SLC24A2: variants seen among roughly 807,000 people sequenced by gnomAD.
The protein encoded by SLC24A2 is solute carrier family 24 member 2.
SLC24A2 carries 36 observed loss-of-function variants against 62.0 expected under a neutral mutation model. That is an observed-to-expected ratio of 0.58 (90% CI 0.44 to 0.77). The LOEUF is 0.77. SLC24A2 is among the 30% of genes least tolerant of loss of function. The pLI is 0.00. For synonymous variants in SLC24A2, 358 were observed against 294.0 expected, an observed-to-expected ratio of 1.22 and a Z score of -2.23; for missense variants, 846 against 817.9, an observed-to-expected ratio of 1.03 and a Z score of -0.42.
At chr9:19,560,916 T>G (rs200570674) in intron 7 of SLC24A2, among the ~76,000 whole-genome samples, 1,643 of 119,420 alleles carry the variant, frequency 0.014, 6 homozygotes, top group Middle Eastern at 0.021. Context: ...TATATATATA[T>G]AGAGAGAGAG....
intron 7 of SLC24A2, among the ~76,000 whole-genome samples, chr9:19,560,938 G>GAC (rs56961494): frequency 0.015 from 2,262 of 146,902 alleles, 61 homozygotes; most frequent in African/African-American, 0.049. Flanking sequence ...GAGAGAGAGA[G>GAC]AGAGAGAGAC....
the SLC24A2 span, among the ~76,000 whole-genome samples, chr9:20,104,339 A>C: frequency 6.6e-6 from 1 of 152,224 alleles, no homozygotes; most frequent in African/African-American, 2.4e-5. Flanking sequence ...CATTCAGGAA[A>C]TACAGAGAAC....
intron 2 of SLC24A2, among the ~76,000 whole-genome samples, chr9:19,648,609 C>A (rs1170106757): frequency 2.0e-5 from 3 of 152,064 alleles, no homozygotes; most frequent in Non-Finnish European, 4.4e-5. Context: ...GAATAGGAGA[C>A]TATTTTTAAA....
At chr9:20,187,015 T>C in the SLC24A2 span, among the ~76,000 whole-genome samples, 2 of 152,250 alleles carry the variant, frequency 1.3e-5, no homozygotes, top group Admixed American at 1.3e-4. Context: ...TAAAGTAATA[T>C]GCTGACTAGA....
the SLC24A2 span, among the ~76,000 whole-genome samples, chr9:20,224,505 T>A: frequency 6.6e-6 from 1 of 151,994 alleles, no homozygotes; most frequent in African/African-American, 2.4e-5. Context: ...GCAGAAAAAA[T>A]AGATTGATTA....
intron 7 of SLC24A2, among the ~76,000 whole-genome samples, chr9:19,564,778 C>T (rs62561744): frequency 0.078 from 11,799 of 152,168 alleles, 547 homozygotes; most frequent in Non-Finnish European, 0.11. Flanking sequence ...TTTAGATTTT[C>T]GAATCTAAGG....
At chr9:19,809,467 G>T in the SLC24A2 span, among the ~76,000 whole-genome samples, 1 of 152,152 alleles carries the variant, frequency 6.6e-6, no homozygotes. Context: ...GATAGTGAGG[G>T]TATGGAAGCC....
the SLC24A2 span, among the ~76,000 whole-genome samples, chr9:20,158,204 C>G: frequency 1.3e-5 from 2 of 151,672 alleles, no homozygotes; most frequent in East Asian, 2.0e-4. Context: ...ACAAAACCAT[C>G]TCATAAATGA....
chr9:20,243,306 T>TAATC, the SLC24A2 span, among the ~76,000 whole-genome samples: 3 of 152,216 alleles, frequency 2.0e-5, no homozygotes, highest in Non-Finnish European at 2.9e-5. Context: ...GAGACTATCA[T>TAATC]AATCAGAAAA....
chr9:19,711,203 T>C (rs1820706083), intron 2 of SLC24A2, among the ~76,000 whole-genome samples: 1 of 152,262 alleles, frequency 6.6e-6, no homozygotes, highest in Admixed American at 6.5e-5. Context: ...TTTGCTTTTA[T>C]TCTTTCACAA....
At chr9:19,654,281 G>C (rs1459630476) in intron 2 of SLC24A2, among the ~76,000 whole-genome samples, 2 of 152,124 alleles carry the variant, frequency 1.3e-5, no homozygotes, top group Non-Finnish European at 2.9e-5. Flanking sequence ...TTTGTACTCT[G>C]TCTTGCTTGG....
At chr9:19,891,313 T>C in the SLC24A2 span, among the ~76,000 whole-genome samples, 4 of 152,220 alleles carry the variant, frequency 2.6e-5, no homozygotes, top group Non-Finnish European at 5.9e-5. Context: ...AGTCTTCCTA[T>C]TGTAATGAGA....
rs747135451 is a variant in SLC24A2, at chr9:19,530,820, A to T, written c.1480-2682T>A. ...TTTGTGAATTTTCAGTCTTCATCAT[A>T]AGCTAGAGGTAGATAAAGTCTGAGA... is the stretch of plus-strand genomic sequence containing the variant. On this transcript the variant is annotated intron_variant, in intron 8 of 10. Transcript: ENST00000341998. 4.7e-4 allele frequency among the ~76,000 whole-genome samples: 72 copies of T among 152,300 alleles called. 1 individual carries two copies. The highest frequency in any genetic ancestry group is 5.1e-4 in the Non-Finnish European group (35 of 68,026).
At chr9:19,616,242 C>A (rs1161617275) in intron 4 of SLC24A2, among the ~76,000 whole-genome samples, 1 of 152,024 alleles carries the variant, frequency 6.6e-6, no homozygotes, top group Non-Finnish European at 1.5e-5. Flanking sequence ...AGAATAATTC[C>A]AAACCTGCAT....
At chr9:19,534,775 T>C (rs1833876775) in intron 8 of SLC24A2, among the ~76,000 whole-genome samples, 1 of 152,238 alleles carries the variant, frequency 6.6e-6, no homozygotes, top group Non-Finnish European at 1.5e-5. Context: ...ACATGTGGGT[T>C]GGTTCCAAGT....
chr9:20,132,219 C>T, the SLC24A2 span, among the ~76,000 whole-genome samples: 1 of 151,942 alleles, frequency 6.6e-6, no homozygotes, highest in East Asian at 1.9e-4. Context: ...GTTATTTGGG[C>T]TTCACCGCGC....
intron 4 of SLC24A2, among the ~76,000 whole-genome samples, chr9:19,618,862 C>T (rs80222895): frequency 0.016 from 2,378 of 152,202 alleles, 48 homozygotes; most frequent in East Asian, 0.098. Context: ...TTGACACATC[C>T]GATATCTATC....
chr9:19,616,699 C>G (rs1474492877), intron 4 of SLC24A2, among the ~76,000 whole-genome samples: 2 of 152,122 alleles, frequency 1.3e-5, no homozygotes, highest in African/African-American at 2.4e-5. Flanking sequence ...AATAGAGTCC[C>G]TGGTCTCAAG....
the SLC24A2 span, among the ~76,000 whole-genome samples, chr9:20,001,572 G>T: frequency 6.6e-6 from 1 of 152,110 alleles, no homozygotes; most frequent in African/African-American, 2.4e-5. Context: ...GTGAAAAAAG[G>T]CGTCTCAGTC....
Sources: gnomAD v4.1 joint callset for allele counts (sites outside exome capture counted in the v4.1 genomes callset) on GRCh38, gnomAD v4.1.1 for gene constraint, MANE v1.5 for transcripts, NCBI Gene and HGNC (gene_info 2026-07-23, HGNC 2026-07-21) for gene names.